CTNNA3: variants seen among roughly 807,000 people sequenced by gnomAD.
The protein encoded by CTNNA3 is catenin alpha 3.
CTNNA3 carries 76 observed loss-of-function variants against 95.7 expected under a neutral mutation model. The observed-to-expected ratio is 0.79, with a 90% CI of 0.66 to 0.96. CTNNA3 has a LOEUF of 0.96. CTNNA3 is among the 40% of genes least tolerant of loss of function. The probability of loss-of-function intolerance (pLI) is 0.00; values close to 1 mark genes in which losing one functional copy is unlikely to be tolerated. For missense variants in CTNNA3, 1,191 were observed against 1,089.8 expected (o/e 1.09, Z -1.31); for synonymous variants, 431 against 374.4 (o/e 1.15, Z -1.74).
At chr10:67,320,791 C>T (rs1331176371) in intron 5 of CTNNA3, among the ~76,000 whole-genome samples, 1 of 152,078 alleles carries the variant, frequency 6.6e-6, no homozygotes, top group East Asian at 1.9e-4. Flanking sequence ...TAAGTCTGGG[C>T]ATATTACAGA....
At chr10:66,530,223 T>A (rs1305524763) in intron 10 of CTNNA3, among the ~76,000 whole-genome samples, 2 of 152,192 alleles carry the variant, frequency 1.3e-5, no homozygotes, top group African/African-American at 2.4e-5. Context: ...ATTACCTCAG[T>A]GGCACGGCAA....
intron 13 of CTNNA3, among the ~76,000 whole-genome samples, chr10:66,197,125 C>A (rs1409327601): frequency 6.6e-6 from 1 of 152,100 alleles, no homozygotes; most frequent in Non-Finnish European, 1.5e-5. Context: ...AAAGACTATA[C>A]CTTCATTTTC....
intron 5 of CTNNA3, among the ~76,000 whole-genome samples, chr10:67,388,015 A>G (rs1398998914): frequency 6.6e-6 from 1 of 152,010 alleles, no homozygotes; most frequent in African/African-American, 2.4e-5. Flanking sequence ...CTCCTCCTCC[A>G]AAGGAACACA....
chr10:67,604,754 G>A lies in CTNNA3; in HGVS notation c.292+2103C>T, dbSNP rs559890414. Among the ~76,000 whole-genome samples the A allele has an allele frequency of 3.3e-5, 5 of 152,288 alleles. No homozygotes were observed. In the East Asian group the frequency reaches 9.6e-4, roughly 29 times the overall value. On this transcript the variant is annotated intron_variant, in intron 3 of 17. Transcript: ENST00000433211. ...ACTTAGACATTAATTGGAAGAGAGG[G>A]TGGAATGAAAGGAAGAGTCTAAACT...
At chr10:66,401,203 T>C (rs183324949) in intron 11 of CTNNA3, among the ~76,000 whole-genome samples, 2 of 152,186 alleles carry the variant, frequency 1.3e-5, no homozygotes, top group African/African-American at 4.8e-5. Flanking sequence ...AGATTTACAG[T>C]CTCTGAGACA....
At chr10:66,401,658 CTTTTTTT>C (rs540003137) in intron 11 of CTNNA3, among the ~76,000 whole-genome samples, 1 of 116,302 alleles carries the variant, frequency 8.6e-6, no homozygotes, top group Non-Finnish European at 1.7e-5. Context: ...CCATTTCTTT[CTTTTTTT>C]TTTTTTTTTT....
intron 11 of CTNNA3, among the ~76,000 whole-genome samples, chr10:66,484,674 A>G (rs1047361992): frequency 2.6e-5 from 4 of 152,010 alleles, no homozygotes; most frequent in African/African-American, 9.7e-5. Flanking sequence ...AACTCCTTTA[A>G]ATCAGTAACC....
chr10:67,687,539 C>G (rs561596195), intron 1 of CTNNA3, among the ~76,000 whole-genome samples: 2 of 152,126 alleles, frequency 1.3e-5, no homozygotes, highest in African/African-American at 4.8e-5. Context: ...TCTGATCTTG[C>G]TTTTCTTTTT....
At chr10:66,613,596 G>T (rs1258224774) in intron 10 of CTNNA3, among the ~76,000 whole-genome samples, 2 of 151,948 alleles carry the variant, frequency 1.3e-5, no homozygotes, top group Non-Finnish European at 2.9e-5. Context: ...TCACTAGAAA[G>T]AAACTGGTAC....
intron 1 of CTNNA3, among the ~76,000 whole-genome samples, chr10:67,664,909 A>T (rs117499528): frequency 0.021 from 3,130 of 152,316 alleles, 53 homozygotes; most frequent in Admixed American, 0.062. Flanking sequence ...AAGTCTGCGC[A>T]CAAAAACTAC....
At chr10:67,263,364 C>T (rs1340922413) in intron 5 of CTNNA3, among the ~76,000 whole-genome samples, 8 of 152,058 alleles carry the variant, frequency 5.3e-5, no homozygotes, top group African/African-American at 1.7e-4. Context: ...GTCTTTGCCC[C>T]GTTCTGAGAG....
intron 3 of CTNNA3, among the ~76,000 whole-genome samples, chr10:67,605,717 C>T (rs747274322): frequency 6.7e-6 from 1 of 149,318 alleles, no homozygotes; most frequent in Admixed American, 6.6e-5. Context: ...TCGCTCTTGT[C>T]CCCCAGGCTG....
At chr10:67,074,034 C>CGTT (rs1554912985) in intron 7 of CTNNA3, among the ~76,000 whole-genome samples, 1 of 109,436 alleles carries the variant, frequency 9.1e-6, no homozygotes, top group South Asian at 3.5e-4. Context: ...CATTTTAACT[C>CGTT]TTTTTTTTTT....
intron 5 of CTNNA3, among the ~76,000 whole-genome samples, chr10:67,434,696 A>T (rs1846238180): frequency 6.6e-6 from 1 of 151,948 alleles, no homozygotes; most frequent in South Asian, 2.1e-4. Flanking sequence ...CCAAAACCCA[A>T]GCGACATCAT....
At chr10:67,373,460 C>T (rs758538138) in intron 5 of CTNNA3, among the ~76,000 whole-genome samples, 2 of 152,122 alleles carry the variant, frequency 1.3e-5, no homozygotes, top group Middle Eastern at 3.2e-3. Context: ...TACAGGAGCA[C>T]CCAGATTCAT....
At chr10:66,809,806 CTT>C (rs71035181) in intron 7 of CTNNA3, among the ~76,000 whole-genome samples, 9 of 142,356 alleles carry the variant, frequency 6.3e-5, no homozygotes, top group African/African-American at 5.2e-5. Context: ...TTGCTGATTT[CTT>C]TTTTTTTTTT....
intron 5 of CTNNA3, among the ~76,000 whole-genome samples, chr10:67,432,120 C>G (rs892986939): frequency 1.3e-5 from 2 of 151,892 alleles, no homozygotes; most frequent in Non-Finnish European, 2.9e-5. Flanking sequence ...AAATTTATAT[C>G]GCTAAATGCC....
chr10:67,324,498 T>C (rs1589166410), intron 5 of CTNNA3, among the ~76,000 whole-genome samples: 2 of 152,302 alleles, frequency 1.3e-5, no homozygotes, highest in Admixed American at 1.3e-4. Flanking sequence ...AAGATAATCA[T>C]GTGGCTTTTG....
chr10:67,400,982 A>G (rs1048440473), intron 5 of CTNNA3, among the ~76,000 whole-genome samples: 28 of 152,208 alleles, frequency 1.8e-4, no homozygotes, highest in African/African-American at 6.5e-4. Flanking sequence ...AGTGTTGTGT[A>G]TACTTCAGAT....
Sources: gnomAD v4.1 joint callset for allele counts (sites outside exome capture counted in the v4.1 genomes callset) on GRCh38, gnomAD v4.1.1 for gene constraint, MANE v1.5 for transcripts, NCBI Gene and HGNC (gene_info 2026-07-23, HGNC 2026-07-21) for gene names.